Variants in ADAMTS17 observed in about 807,000 individuals in gnomAD.
ADAMTS17 encodes A disintegrin and metalloproteinase with thrombospondin motifs 17.
ADAMTS17 carries 113 observed loss-of-function variants against 141.5 expected under a neutral mutation model. The ratio of observed to expected loss-of-function variants is 0.80; its 90% CI spans 0.69 to 0.93. ADAMTS17 has a LOEUF of 0.93. Among genes scored for constraint, ADAMTS17 ranks in the 40% least tolerant of loss-of-function variants. The pLI is 0.00. For missense variants in ADAMTS17, 1,659 were observed against 1,517.9 expected (o/e 1.09, Z -1.54); for synonymous variants, 768 against 630.6 (o/e 1.22, Z -3.27).
chr15:100,236,732 G>A (rs2042667982), intron 7 of ADAMTS17, among the ~76,000 whole-genome samples: 1 of 152,080 alleles, frequency 6.6e-6, no homozygotes, highest in African/African-American at 2.4e-5. Flanking sequence ...CAGCTACTCA[G>A]GAGGCTGAAG....
At chr15:100,200,715 G>T (rs8024411) in intron 7 of ADAMTS17, among the ~76,000 whole-genome samples, 2 of 152,174 alleles carry the variant, frequency 1.3e-5, no homozygotes, top group South Asian at 4.1e-4. Context: ...GGCGGATGAC[G>T]GCTAAATACA....
At chr15:100,244,479 C>G (rs139504654) in intron 7 of ADAMTS17, among the ~76,000 whole-genome samples, 1 of 151,674 alleles carries the variant, frequency 6.6e-6, no homozygotes, top group African/African-American at 2.4e-5. Flanking sequence ...ATGGGAGGGA[C>G]CTGGTGGGAG....
rs112062897 is a variant in ADAMTS17, at chr15:100,190,499, T to C, written c.1181+8819A>G. Among the ~76,000 whole-genome samples, 779 of 151,098 alleles carry C rather than the reference T, an allele frequency of 5.2e-3. 13 individuals carry two copies. The highest frequency in any genetic ancestry group is 0.018 in the African/African-American group (737 of 40,580). On this transcript the variant is annotated intron_variant, in intron 8 of 21. Transcript: ENST00000268070. ...TTTCTTCCAGAGGCCACAGGTTGGG[T>C]TTTCCAGAGGCCACAGGTTGGGCCT...
chr15:100,215,734 G>C (rs904938308), intron 7 of ADAMTS17, among the ~76,000 whole-genome samples: 1 of 152,034 alleles, frequency 6.6e-6, no homozygotes, highest in Admixed American at 6.5e-5. Flanking sequence ...AAGGGCAAAT[G>C]GGCCTCTGCA....
At chr15:100,251,930 C>T (rs1174389923) in intron 7 of ADAMTS17, among the ~76,000 whole-genome samples, 4 of 152,122 alleles carry the variant, frequency 2.6e-5, no homozygotes, top group African/African-American at 7.2e-5. Flanking sequence ...CAAAGTCTGC[C>T]GACACCTGGA....
intron 10 of ADAMTS17, among the ~76,000 whole-genome samples, chr15:100,151,632 C>A (rs2039169180): frequency 6.6e-6 from 1 of 152,200 alleles, no homozygotes; most frequent in African/African-American, 2.4e-5. Flanking sequence ...CTGCTGAGTT[C>A]CACATACCCC....
At chr15:100,329,289 A>G (rs1007113286) in intron 3 of ADAMTS17, among the ~76,000 whole-genome samples, 7 of 152,168 alleles carry the variant, frequency 4.6e-5, no homozygotes, top group Non-Finnish European at 5.9e-5. Flanking sequence ...CTATAATCCC[A>G]GGACTTTGGC....
chr15:100,322,342 C>T (rs1314123542), intron 3 of ADAMTS17, among the ~76,000 whole-genome samples: 1 of 152,142 alleles, frequency 6.6e-6, no homozygotes, highest in South Asian at 2.1e-4. Flanking sequence ...ATAAATTCTA[C>T]CCAACTCTCA....
rs925341753 is a variant in ADAMTS17 at position 100,086,461 on chromosome 15, T to C, written c.2137+9895A>G. 7.9e-5 allele frequency among the ~76,000 whole-genome samples: 12 copies of C among 151,932 alleles called. No individual in the cohort carries two copies. The South Asian group carries it at 1.9e-3, about 24-fold the overall frequency. On this transcript the variant is annotated intron_variant, in intron 15 of 21. Transcript: ENST00000268070. ...ACGAGACAGACAGTTAACAAGGATA[T>C]CCAGGAATTGAACTCAGCTCTGCAC...
At chr15:99,975,583 C>T (rs1057394062) in intron 21 of ADAMTS17, among the ~76,000 whole-genome samples, 2 of 152,108 alleles carry the variant, frequency 1.3e-5, no homozygotes, top group East Asian at 1.9e-4. Flanking sequence ...GGCCAGGTTC[C>T]GAGCACCCAG....
intron 18 of ADAMTS17, among the ~76,000 whole-genome samples, chr15:100,043,168 A>C (rs1485301555): frequency 6.6e-6 from 1 of 152,236 alleles, no homozygotes; most frequent in African/African-American, 2.4e-5. Context: ...AAACAAATCA[A>C]CAAATGAGCA....
At chr15:100,317,847 A>C (rs1352210276) in intron 3 of ADAMTS17, among the ~76,000 whole-genome samples, 1 of 152,134 alleles carries the variant, frequency 6.6e-6, no homozygotes, top group African/African-American at 2.4e-5. Context: ...TTCCTGGTTT[A>C]GTTTCTGAAA....
rs144264617 is a variant in ADAMTS17, at chr15:99,993,822, C to T, written c.2797-622G>A. On this transcript the variant is annotated intron_variant, in intron 19 of 21. Transcript: ENST00000268070. The surrounding 1 kb of genome is among the most constrained non-coding windows in gnomAD (Gnocchi z 4.3). ...CCAAGAATGGTGACAGACGCATGGC[C>T]CCTGTGGTAGTTTACTTACTTGCAG... 3.9e-5 allele frequency among the ~76,000 whole-genome samples: 6 copies of T among 152,190 alleles called. No individual in the cohort carries two copies. Among genetic ancestry groups the T allele is most frequent in the Non-Finnish European group, 7.4e-5 (5 of 68,000 alleles).
At chr15:100,331,131 C>T (rs1164292320) in intron 2 of ADAMTS17, 77 bp from the exon 3 acceptor site, 31 of 1,568,486 alleles carry the variant, frequency 2.0e-5, no homozygotes, top group African/African-American at 2.7e-5. Flanking sequence ...GAGGGGCAGG[C>T]AAGACCACCT....
chr15:100,261,661 G>A (rs771263897), intron 5 of ADAMTS17, 25 bp from the exon 6 acceptor site: 8 of 1,610,270 alleles, frequency 5.0e-6, no homozygotes, highest in Non-Finnish European at 6.8e-6. Context: ...AGGACAGTTA[G>A]AGAAACAAAC....
chr15:100,339,629 AT>A (rs2046306386), intron 2 of ADAMTS17, among the ~76,000 whole-genome samples: 1 of 60,854 alleles, frequency 1.6e-5, no homozygotes, highest in Non-Finnish European at 3.2e-5. Flanking sequence ...CCAGGTCCAC[AT>A]TCCCCGCCCC....
chr15:100,159,765 C>G (rs1432853860), intron 8 of ADAMTS17, among the ~76,000 whole-genome samples: 1 of 152,220 alleles, frequency 6.6e-6, no homozygotes, highest in East Asian at 1.9e-4. Flanking sequence ...GAGTCCTAGT[C>G]TGAGTCACAG....
chr15:100,096,368 C>A lies in ADAMTS17; in HGVS notation c.2125G>T (p.Ala709Ser), dbSNP rs147753194. The change falls in exon 15 of 22, where the codon GCC becomes TCC. Residue 709 changes from alanine (A) to serine (S), a missense_variant. Transcript: ENST00000268070. ...CHLVKGDFSH[A>S]RGTALKDSGK... is the part of the protein sequence containing the mutation. ...GGCCAACACTCACCTGTCCCCCGGG[C>A]GTGGCTGAAGTCGCCCTTCACCAAG... is the stretch of plus-strand genomic sequence containing the variant. 18 of 1,613,750 alleles carry A rather than the reference C, an allele frequency of 1.1e-5. No individual in the cohort carries two copies. Among genetic ancestry groups the A allele is most frequent in the South Asian group, 8.8e-5 (8 of 91,082 alleles).
chr15:100,273,380 A>C (rs2043978641), intron 4 of ADAMTS17, among the ~76,000 whole-genome samples: 1 of 152,118 alleles, frequency 6.6e-6, no homozygotes, highest in Non-Finnish European at 1.5e-5. Flanking sequence ...TTACCTTACT[A>C]ATTATGACTC....
Sources: gnomAD v4.1 joint callset for allele counts (sites outside exome capture counted in the v4.1 genomes callset) on GRCh38, gnomAD v4.1.1 for gene constraint, Gnocchi (gnomAD v3.1) non-coding constraint, MANE v1.5 for transcripts, NCBI Gene and HGNC (gene_info 2026-07-23, HGNC 2026-07-21) for gene names.